Variants in SPAG16 observed in about 807,000 individuals in gnomAD.
The protein encoded by SPAG16 is sperm associated antigen 16, also known as sperm-associated antigen 16 protein.
SPAG16 carries 86 observed loss-of-function variants against 80.4 expected under a neutral mutation model. The observed-to-expected ratio is 1.07, with a 90% CI of 0.90 to 1.28. The LOEUF is 1.28. Ranked by LOEUF, SPAG16 falls within the 50% of genes most tolerant of loss-of-function variation. The pLI, the probability that SPAG16 is intolerant of heterozygous loss-of-function variation, is 0.00. For synonymous variants in SPAG16, 294 were observed against 265.9 expected, an observed-to-expected ratio of 1.11 and a Z score of -1.03; for missense variants, 870 against 765.3, an observed-to-expected ratio of 1.14 and a Z score of -1.61.
intron 15 of SPAG16, among the ~76,000 whole-genome samples, chr2:214,256,660 GAAC>G (rs1213076841): frequency 1.3e-5 from 2 of 151,870 alleles, no homozygotes; most frequent in African/African-American, 2.4e-5. Context: ...ACAACAACAA[GAAC>G]AACAACAAAC....
chr2:213,880,875 G>C (rs1225252607), intron 11 of SPAG16, among the ~76,000 whole-genome samples: 1 of 152,174 alleles, frequency 6.6e-6, no homozygotes, highest in Non-Finnish European at 1.5e-5. Context: ...GGTTACTGTA[G>C]CTGTTCAGTA....
chr2:213,588,653 T>A (rs2060557407), intron 10 of SPAG16, among the ~76,000 whole-genome samples: 1 of 149,656 alleles, frequency 6.7e-6, no homozygotes, highest in African/African-American at 2.4e-5. Context: ...ATACAAAAAA[T>A]CAGCCGGGCG....
At chr2:214,275,346 ATTTG>A (rs1220243363) in intron 15 of SPAG16, among the ~76,000 whole-genome samples, 1 of 151,982 alleles carries the variant, frequency 6.6e-6, no homozygotes, top group Non-Finnish European at 1.5e-5. Flanking sequence ...TAGCTTTTGA[ATTTG>A]TTTGGCCTTG....
At chr2:213,477,379 C>T (rs1218708993) in intron 9 of SPAG16, among the ~76,000 whole-genome samples, 2 of 152,162 alleles carry the variant, frequency 1.3e-5, no homozygotes, top group Admixed American at 1.3e-4. Context: ...CAGCTTGCAC[C>T]ATGCACCTGA....
chr2:214,204,210 C>A (rs1219562887), intron 15 of SPAG16, among the ~76,000 whole-genome samples: 1 of 152,234 alleles, frequency 6.6e-6, no homozygotes, highest in Non-Finnish European at 1.5e-5. Context: ...ACATGCCTAA[C>A]CCTGCCCTCA....
intron 9 of SPAG16, among the ~76,000 whole-genome samples, chr2:213,473,865 C>A (rs986391513): frequency 1.3e-5 from 2 of 152,226 alleles, no homozygotes; most frequent in Non-Finnish European, 2.9e-5. Flanking sequence ...CTCTCAACCT[C>A]ATCTCTAGGG....
intron 10 of SPAG16, among the ~76,000 whole-genome samples, chr2:213,632,905 C>A (rs952822230): frequency 1.3e-5 from 2 of 152,090 alleles, no homozygotes; most frequent in African/African-American, 4.8e-5. Context: ...CATCAATATT[C>A]ATCAGAGATA....
chr2:214,296,041 A>G (rs957871850), intron 15 of SPAG16, among the ~76,000 whole-genome samples: 2 of 152,152 alleles, frequency 1.3e-5, no homozygotes, highest in African/African-American at 4.8e-5. Flanking sequence ...TTCAACCCTC[A>G]TGCTCCTCCC....
intron 15 of SPAG16, among the ~76,000 whole-genome samples, chr2:214,359,648 G>T (rs1479310532): frequency 6.6e-6 from 1 of 151,642 alleles, no homozygotes; most frequent in Admixed American, 6.6e-5. Flanking sequence ...AAATATCAAA[G>T]GAACATAAAG....
At chr2:214,034,250 A>G (rs2048569006) in intron 13 of SPAG16, among the ~76,000 whole-genome samples, 1 of 152,242 alleles carries the variant, frequency 6.6e-6, no homozygotes, top group Non-Finnish European at 1.5e-5. Context: ...AACTTTGATC[A>G]CTTGGTTATG....
intron 15 of SPAG16, among the ~76,000 whole-genome samples, chr2:214,158,783 G>A (rs896163948): frequency 6.6e-6 from 1 of 151,816 alleles, no homozygotes; most frequent in African/African-American, 2.4e-5. Flanking sequence ...ACAATCAAAA[G>A]GTGCTTGGAA....
chr2:213,633,859 CT>C (rs2062254099), intron 10 of SPAG16, among the ~76,000 whole-genome samples: 1 of 152,052 alleles, frequency 6.6e-6, no homozygotes, highest in Non-Finnish European at 1.5e-5. Context: ...TCTTTTTTGG[CT>C]TCCATCAGCA....
chr2:213,920,395 G>A lies in SPAG16; in HGVS notation c.1215-9565G>A, dbSNP rs1397465437. Among the ~76,000 whole-genome samples the A allele has an allele frequency of 2.0e-5, 3 of 152,276 alleles. No homozygotes were observed. In the East Asian group the frequency reaches 5.8e-4, roughly 29 times the overall value. Reference sequence around the variant, plus strand: ...AGTGTCACTGGTCTGTATACTGGCAGGTTAGGATGCATGCACACACACGTT... The same window carrying A: ...AGTGTCACTGGTCTGTATACTGGCAAGTTAGGATGCATGCACACACACGTT... On this transcript the variant is annotated intron_variant, in intron 11 of 15. Coordinates refer to ENST00000331683, the MANE Select transcript of SPAG16 (RefSeq NM_024532.5).
intron 12 of SPAG16, among the ~76,000 whole-genome samples, chr2:213,971,358 T>C (rs1473729777): frequency 6.6e-6 from 1 of 152,146 alleles, no homozygotes; most frequent in Non-Finnish European, 1.5e-5. Flanking sequence ...TAATTGATAA[T>C]TTATTAAATA....
At chr2:213,403,881 A>G (rs1322900037) in intron 9 of SPAG16, among the ~76,000 whole-genome samples, 2 of 152,302 alleles carry the variant, frequency 1.3e-5, no homozygotes, top group East Asian at 1.9e-4. Context: ...AAATCAATGT[A>G]CAAAAATCAC....
chr2:214,393,010 AAGTAGG>A (rs1701178688), intron 15 of SPAG16, among the ~76,000 whole-genome samples: 1 of 152,188 alleles, frequency 6.6e-6, no homozygotes. Context: ...AAATAATTTA[AAGTAGG>A]TATTGCTGGG....
rs370236956 is a variant in SPAG16, at chr2:214,279,182, C to T, written c.1720+129916C>T. Among the ~76,000 whole-genome samples the T allele has an allele frequency of 6.3e-4, 95 of 151,826 alleles. 1 individual carries two copies. Among genetic ancestry groups the T allele is most frequent in the African/African-American group, 2.1e-3 (88 of 41,380 alleles). On this transcript the variant is annotated intron_variant, in intron 15 of 15. Coordinates refer to ENST00000331683, the MANE Select transcript of SPAG16 (RefSeq NM_024532.5). ...CACGATCTCAGCTCACTGCAACCTC[C>T]GCCTGCCGGGTACAAACGATTCTCC... is the stretch of plus-strand genomic sequence containing the variant.
Position 214,106,662 on chromosome 2 carries a change from A to G in SPAG16, c.1528-1534A>G, listed in dbSNP as rs540692339. Among the ~76,000 whole-genome samples the G allele has an allele frequency of 4.6e-5, 7 of 151,848 alleles. No homozygotes were observed. In the South Asian group the frequency reaches 1.5e-3, roughly 31 times the overall value. ...ATGGCCAATAACAGTGAGGGGCATCATGATGATCTACCTTTGGTAGCTCAT... is the reference window on the plus strand; with the variant it reads ...ATGGCCAATAACAGTGAGGGGCATCGTGATGATCTACCTTTGGTAGCTCAT... On this transcript the variant is annotated intron_variant, in intron 13 of 15. Coordinates refer to ENST00000331683, the MANE Select transcript of SPAG16 (RefSeq NM_024532.5).
chr2:213,515,681 C>T (rs2125829907), intron 10 of SPAG16, among the ~76,000 whole-genome samples: 1 of 152,180 alleles, frequency 6.6e-6, no homozygotes, highest in Non-Finnish European at 1.5e-5. Context: ...TACCTTGGCG[C>T]TTTAAAGTGC....
Sources: gnomAD v4.1 joint callset for allele counts (sites outside exome capture counted in the v4.1 genomes callset) on GRCh38, gnomAD v4.1.1 for gene constraint, MANE v1.5 for transcripts, NCBI Gene and HGNC (gene_info 2026-07-23, HGNC 2026-07-21) for gene names.